VASH2: variants seen among roughly 807,000 people sequenced by gnomAD.
VASH2 encodes vasohibin 2.
A neutral mutation model predicts 37.2 loss-of-function variants in VASH2; 28 were observed. The ratio of observed to expected loss-of-function variants is 0.75; its 90% CI spans 0.56 to 1.03. The LOEUF (loss-of-function observed/expected upper bound fraction) is 1.03, where lower values mean the gene tolerates loss of function less well. Ranked by LOEUF, VASH2 falls within the 50% of genes least tolerant of loss-of-function variation. The probability of loss-of-function intolerance (pLI) is 0.00; values close to 1 mark genes in which losing one functional copy is unlikely to be tolerated. For missense variants in VASH2, 419 were observed against 459.1 expected, an observed-to-expected ratio of 0.91 and a Z score of 0.80; for synonymous variants, 188 against 174.7, an observed-to-expected ratio of 1.08 and a Z score of -0.60.
At chr1:212,985,014 C>G (rs1226922068) in intron 7 of VASH2, among the ~76,000 whole-genome samples, 2 of 152,022 alleles carry the variant, frequency 1.3e-5, no homozygotes, top group Non-Finnish European at 2.9e-5. Flanking sequence ...GTAGCTTAAA[C>G]ATAATTCACT....
intron 7 of VASH2, among the ~76,000 whole-genome samples, chr1:212,975,956 C>A (rs1445801543): frequency 1.3e-5 from 2 of 152,144 alleles, no homozygotes; most frequent in Non-Finnish European, 1.5e-5. Flanking sequence ...TACTTGGATC[C>A]ACAGGGACTT....
intron 2 of VASH2, among the ~76,000 whole-genome samples, chr1:212,954,540 C>G (rs905457447): frequency 6.6e-6 from 1 of 152,166 alleles, no homozygotes; most frequent in East Asian, 1.9e-4. Flanking sequence ...CCTGCCTCAG[C>G]CTCCTGAGTA....
intron 4 of VASH2, 135 bp from the exon 5 acceptor site, chr1:212,966,136 A>G: frequency 4.0e-6 from 3 of 741,854 alleles, no homozygotes; most frequent in Non-Finnish European, 6.8e-6. Flanking sequence ...CCTTCCTGCA[A>G]GGTGACTTCT....
chr1:212,987,100 G>A (rs1326654641), intron 7 of VASH2, among the ~76,000 whole-genome samples: 1 of 152,138 alleles, frequency 6.6e-6, no homozygotes, highest in Non-Finnish European at 1.5e-5. Context: ...GCCATTCACT[G>A]AGCTGTGCTT....
intron 7 of VASH2, among the ~76,000 whole-genome samples, chr1:212,981,971 CAG>C (rs1166551384): frequency 6.6e-6 from 1 of 152,228 alleles, no homozygotes; most frequent in East Asian, 1.9e-4. Flanking sequence ...GAGGCTGCCT[CAG>C]AGTGTGAAGG....
At position 212,951,109 on chromosome 1, in the gene VASH2, G is replaced by A. The variant is rs73084247; in HGVS notation, c.-204-230G>A. ...GCTCCGCATCCCCCAAGCTCCTTGT[G>A]CCCCTCCATCCCCAACCCCCCGGGT... On this transcript the variant is annotated intron_variant, in intron 1 of 7. Transcript: ENST00000517399. The surrounding 1 kb of genome is among the most constrained non-coding windows in gnomAD (Gnocchi z 4.4). 3,946 of 152,480 alleles carry A rather than the reference G, an allele frequency of 0.026. 160 individuals carry two copies. The highest frequency in any genetic ancestry group is 0.088 in the African/African-American group (3,645 of 41,566). The allele number at this position is 152,480 out of a possible 1,614,324, so 9.4% of individuals were successfully genotyped here. A position where few individuals can be genotyped will look rare whatever the true frequency, so the allele number is the denominator to read the frequency against.
At chr1:212,981,875 C>T (rs1271087142) in intron 7 of VASH2, among the ~76,000 whole-genome samples, 1 of 152,236 alleles carries the variant, frequency 6.6e-6, no homozygotes, top group African/African-American at 2.4e-5. Context: ...GTGGTCATGT[C>T]TCCACTCCAT....
Position 212,951,470 on chromosome 1 carries a change from C to A in VASH2, c.-73C>A. 1.0e-6 allele frequency: 1 copy of A among 973,660 alleles called. No individual in the cohort carries two copies. Among genetic ancestry groups the A allele is most frequent in the Non-Finnish European group, 1.3e-6 (1 of 793,214 alleles). The allele number at this position is 973,660 out of a possible 1,614,324, so 60.3% of individuals were successfully genotyped here. A position where few individuals can be genotyped will look rare whatever the true frequency, so the allele number is the denominator to read the frequency against. On this transcript the variant is annotated 5_prime_UTR_variant, in exon 2 of 8. Transcript: ENST00000517399. This position sits in a 1 kb window ranked among gnomAD's most constrained non-coding sequence, Gnocchi z 4.4. ...GATCCCCTCGCCGCGCCCGCGCGCA[C>A]ACGCCCCCCGCCGCCGCCGCCGCTG...
chr1:212,978,197 A>T (rs1197522490), intron 7 of VASH2, among the ~76,000 whole-genome samples: 1 of 152,184 alleles, frequency 6.6e-6, no homozygotes, highest in African/African-American at 2.4e-5. Flanking sequence ...CCGGTCCTTC[A>T]TCCCCTAGGC....
At chr1:212,960,023 G>A (rs988312308) in intron 2 of VASH2, among the ~76,000 whole-genome samples, 4 of 152,200 alleles carry the variant, frequency 2.6e-5, no homozygotes, top group African/African-American at 9.6e-5. Context: ...TCAGAAGACC[G>A]AGAAACATGT....
chr1:212,972,484 T>TG (rs1462088781), intron 5 of VASH2, 96 bp from the exon 6 acceptor site: 5 of 1,469,934 alleles, frequency 3.4e-6, no homozygotes, highest in Admixed American at 2.1e-5. Context: ...GGCAGGGGGA[T>TG]GGACTCACTG....
At chr1:212,956,175 C>T (rs1417082360) in intron 2 of VASH2, among the ~76,000 whole-genome samples, 1 of 152,210 alleles carries the variant, frequency 6.6e-6, no homozygotes, top group Non-Finnish European at 1.5e-5. Context: ...ACTGTCCATC[C>T]GTATCACTTC....
intron 2 of VASH2, among the ~76,000 whole-genome samples, chr1:212,959,027 C>G (rs1218622139): frequency 6.6e-6 from 1 of 152,186 alleles, no homozygotes; most frequent in Admixed American, 6.5e-5. Context: ...CTGCGCCCGA[C>G]CTGCGTATGT....
At chr1:212,966,459 G>T in intron 5 of VASH2, 114 bp downstream of exon 5, 1 of 881,386 alleles carries the variant, frequency 1.1e-6, no homozygotes, top group Non-Finnish European at 1.8e-6. Flanking sequence ...TATCTCCTTT[G>T]AGGAAAGTGT....
intron 2 of VASH2, among the ~76,000 whole-genome samples, chr1:212,960,213 C>T (rs1208014541): frequency 6.6e-6 from 1 of 152,216 alleles, no homozygotes; most frequent in African/African-American, 2.4e-5. Flanking sequence ...CTGCTTCCCC[C>T]TTTCCAGTCC....
chr1:212,973,795 T>C lies in VASH2; in HGVS notation c.880-160T>C, dbSNP rs1558149061. 5 of 1,406,192 alleles carry C rather than the reference T, an allele frequency of 3.6e-6. No homozygotes were observed. In the East Asian group the frequency reaches 1.1e-4, roughly 30 times the overall value. 87.1% of individuals were successfully genotyped at this position (1,406,192 alleles called of 1,614,324 possible). Reference sequence around the variant, plus strand: ...GACAGTACAGGACGAGAGAGGAATGTGTGTGTCTCCAGCCTCCTTTTTTAG... The same window carrying C: ...GACAGTACAGGACGAGAGAGGAATGCGTGTGTCTCCAGCCTCCTTTTTTAG... On this transcript the variant is annotated intron_variant, in intron 6 of 7. Coordinates refer to ENST00000517399, the MANE Select transcript of VASH2 (RefSeq NM_001301056.2).
At chr1:212,956,518 T>A (rs1666501122) in intron 2 of VASH2, among the ~76,000 whole-genome samples, 1 of 151,894 alleles carries the variant, frequency 6.6e-6, no homozygotes, top group South Asian at 2.1e-4. Context: ...AAAGTTGGAG[T>A]TTCAGGTAGT....
chr1:212,991,476 G>T lies in VASH2; in HGVS notation c.*2892G>T, dbSNP rs1307333747. ...CTAATTAAATGAAAACTTGTATAAT[G>T]GTATTTTAGAGAATGCCAGTAAGTG... is the stretch of plus-strand genomic sequence containing the variant. On this transcript the variant is annotated 3_prime_UTR_variant, in exon 8 of 8. Coordinates refer to ENST00000517399, the MANE Select transcript of VASH2 (RefSeq NM_001301056.2). 1 of 152,112 alleles carries T rather than the reference G, an allele frequency of 6.6e-6. No homozygotes were observed. The highest frequency in any genetic ancestry group is 1.5e-5 in the Non-Finnish European group (1 of 68,018). 9.4% of individuals were successfully genotyped at this position (152,112 alleles called of 1,614,324 possible). A position where few individuals can be genotyped will look rare whatever the true frequency, so the allele number is the denominator to read the frequency against.
At chr1:212,974,613 C>T (rs988589080) in intron 7 of VASH2, 10 of 152,260 alleles carry the variant, frequency 6.6e-5, no homozygotes, top group African/African-American at 2.2e-4. Flanking sequence ...GGCCAGTGAT[C>T]CCACATCTAC....
Sources: allele counts gnomAD v4.1 joint callset (sites outside exome capture counted in the v4.1 genomes callset), GRCh38; gene constraint gnomAD v4.1.1; non-coding constraint Gnocchi (gnomAD v3.1); transcripts MANE v1.5; gene names NCBI Gene and HGNC (gene_info 2026-07-23, HGNC 2026-07-21).